The following TTLL7 variants were observed in gnomAD, a reference collection of about 807,000 sequenced individuals.
TTLL7 encodes tubulin tyrosine ligase like 7.
In TTLL7, 53 loss-of-function variants were observed where a neutral mutation model predicts 120.2. That is an observed-to-expected ratio of 0.44 (90% CI 0.35 to 0.55). The LOEUF (loss-of-function observed/expected upper bound fraction) is 0.55, where lower values mean the gene tolerates loss of function less well. TTLL7 is among the 20% of genes least tolerant of loss of function. TTLL7 has a pLI of 0.00. For synonymous variants in TTLL7, 353 were observed against 351.7 expected (o/e 1.00, Z -0.04); for missense variants, 803 against 1,054.7 (o/e 0.76, Z 3.31).
intron 18 of TTLL7, among the ~76,000 whole-genome samples, chr1:83,899,698 A>G (rs572603796): frequency 6.6e-6 from 1 of 152,038 alleles, no homozygotes; most frequent in East Asian, 1.9e-4. Context: ...CACAAAGGAA[A>G]CACAATACTT....
At chr1:83,993,255 A>G (rs1653171408) in intron 1 of TTLL7, among the ~76,000 whole-genome samples, 1 of 152,238 alleles carries the variant, frequency 6.6e-6, no homozygotes, top group Admixed American at 6.5e-5. Flanking sequence ...AACAAATAGC[A>G]TTGAAATGAT....
intron 14 of TTLL7, chr1:83,912,354 G>T (rs1465937296): frequency 1.3e-5 from 2 of 152,050 alleles, no homozygotes; most frequent in African/African-American, 4.8e-5. Flanking sequence ...AAGGGACGTG[G>T]GACAGCTTCA....
Position 83,907,629 on chromosome 1 carries a change from A to T in TTLL7, c.1819T>A (p.Ser607Thr), listed in dbSNP as rs201864596. ...SIRRSVSCPRSISAQSPSSGD... is the reference protein window; with the variant it reads ...SIRRSVSCPRTISAQSPSSGD... ...CTGGAAGGTGATTGAGCAGAGATGGACCGAGGGCAGCTGACTGAACGTCTT... is the reference window on the plus strand; with the variant it reads ...CTGGAAGGTGATTGAGCAGAGATGGTCCGAGGGCAGCTGACTGAACGTCTT... Residue 607 changes from serine (S) to threonine (T), a missense_variant, in exon 16 of 21, where the codon TCC becomes ACC. This residue lies in a region of TTLL7 where 388 missense variants were observed against 450.4 expected (regional missense o/e 0.86). Coordinates refer to ENST00000260505, the MANE Select transcript of TTLL7 (RefSeq NM_024686.6). The T allele has an allele frequency of 4.5e-4, 718 of 1,613,066 alleles. 11 individuals carry two copies. In the South Asian group the frequency reaches 7.2e-3, roughly 16 times the overall value.
At chr1:83,887,154 T>C in intron 19 of TTLL7, 5 of 884,728 alleles carry the variant, frequency 5.7e-6, no homozygotes, top group Non-Finnish European at 7.2e-6. Flanking sequence ...TTTCTGGAGG[T>C]AGACAGGGGA....
chr1:83,883,126 C>T lies in TTLL7; in HGVS notation c.2380G>A (p.Glu794Lys), dbSNP rs536830661. 1.9e-5 allele frequency: 30 copies of T among 1,589,938 alleles called. No homozygotes were observed. Among genetic ancestry groups the T allele is most frequent in the Admixed American group, 9.0e-5 (5 of 55,708 alleles). The change falls in exon 20 of 21, where the codon GAG (glutamate) becomes AAG (lysine). Residue 794 changes from glutamate to lysine, a missense_variant. Physicochemically the swap from Glu to Lys is moderately conservative, Grantham distance 56. Around this residue, in one of 3 missense-constraint regions of TTLL7, gnomAD observed 388 missense variants for 450.4 expected, o/e 0.86. Transcript: ENST00000260505. Reference protein sequence around the residue: ...NCFCDSGSSWESIFNKSPEVV... With the variant: ...NCFCDSGSSWKSIFNKSPEVV... ...TCCGGGCTTTTATTGAATATACTCT[C>T]CCAAGAGGATCTGTTGGCATGGAAA...
At chr1:83,911,446 C>T in intron 14 of TTLL7, 83 bp from the exon 15 acceptor site, 1 of 1,122,142 alleles carries the variant, frequency 8.9e-7, no homozygotes, top group East Asian at 2.5e-5. Flanking sequence ...TTTAATTTCC[C>T]CCTATGCTTG....
At chr1:83,933,189 T>C (rs1263121336) in intron 9 of TTLL7, among the ~76,000 whole-genome samples, 3 of 151,892 alleles carry the variant, frequency 2.0e-5, no homozygotes, top group Non-Finnish European at 2.9e-5. Context: ...AATGAACCAA[T>C]TGGAGCCTCT....
intron 1 of TTLL7, chr1:83,979,052 C>T (rs1012617187): frequency 3.9e-5 from 6 of 152,198 alleles, no homozygotes; most frequent in Non-Finnish European, 8.8e-5. Context: ...CCATGCTTAG[C>T]TTCAGCAGCC....
Position 83,975,466 on chromosome 1 carries a change from TAGAC to T in TTLL7, c.-176-23083_-176-23080del, listed in dbSNP as rs1355888086. Reference sequence around the variant, plus strand: ...GGGGTTTAGGAACTTGTCAAAGACTTAGACAGATCTGTTTGATTCTCAGAACCTT... The same window carrying T: ...GGGGTTTAGGAACTTGTCAAAGACTTAGATCTGTTTGATTCTCAGAACCTT... On this transcript the variant is annotated intron_variant, in intron 1 of 20. Transcript: ENST00000260505. Among the ~76,000 whole-genome samples the T allele has an allele frequency of 3.9e-5, 6 of 152,178 alleles. No homozygotes were observed. The South Asian group carries it at 1.2e-3, about 32-fold the overall frequency.
intron 8 of TTLL7, among the ~76,000 whole-genome samples, chr1:83,936,954 A>G (rs976712469): frequency 1.3e-5 from 2 of 152,030 alleles, no homozygotes; most frequent in African/African-American, 4.8e-5. Flanking sequence ...ACTCCTTCTT[A>G]CTTGTCTGAC....
At chr1:83,892,766 GCGCATATGTGAACATATATATGAA>G (rs1557568669) in intron 18 of TTLL7, among the ~76,000 whole-genome samples, 15 of 29,334 alleles carry the variant, frequency 5.1e-4, no homozygotes, top group African/African-American at 1.2e-3. Flanking sequence ...ATATATATGA[GCGCATATGTGAACATATATATGAA>G]CGCATATGTG....
At chr1:83,888,837 G>A (rs1362530378) in intron 19 of TTLL7, among the ~76,000 whole-genome samples, 1 of 151,778 alleles carries the variant, frequency 6.6e-6, no homozygotes, top group Non-Finnish European at 1.5e-5. Context: ...AATTATAAAG[G>A]AGGAAAATCA....
At chr1:83,957,153 C>T (rs1485013789) in intron 1 of TTLL7, among the ~76,000 whole-genome samples, 4 of 152,024 alleles carry the variant, frequency 2.6e-5, no homozygotes, top group Admixed American at 1.3e-4. Context: ...TTATTCTTTC[C>T]ACCCCTAAAG....
chr1:83,880,146 A>G (rs953006744), intron 20 of TTLL7: 9 of 152,046 alleles, frequency 5.9e-5, no homozygotes, highest in African/African-American at 2.2e-4. Context: ...TTTAAATCAT[A>G]TAAAAGTATT....
At chr1:83,985,332 G>A (rs999138164) in intron 1 of TTLL7, among the ~76,000 whole-genome samples, 1 of 152,170 alleles carries the variant, frequency 6.6e-6, no homozygotes, top group African/African-American at 2.4e-5. Context: ...ATCCAAGGCT[G>A]GAGAAAGAAG....
intron 1 of TTLL7, among the ~76,000 whole-genome samples, chr1:83,960,496 T>G (rs1048035749): frequency 6.6e-6 from 1 of 152,126 alleles, no homozygotes; most frequent in African/African-American, 2.4e-5. Flanking sequence ...ATTTTGCAGA[T>G]TTCTAGCTTA....
chr1:83,887,339 G>A (rs1015359322), intron 19 of TTLL7: 2 of 713,718 alleles, frequency 2.8e-6, no homozygotes, highest in Non-Finnish European at 4.1e-6. Context: ...ACTGAGAAGA[G>A]TAGATTTTCA....
At chr1:83,908,986 A>C (rs1409303324) in intron 15 of TTLL7, among the ~76,000 whole-genome samples, 2 of 151,860 alleles carry the variant, frequency 1.3e-5, no homozygotes, top group Non-Finnish European at 2.9e-5. Context: ...AACTGTCACC[A>C]CTTTTCAAAA....
chr1:83,921,423 T>C, intron 10 of TTLL7, 29 bp from the exon 11 acceptor site: 1 of 1,606,288 alleles, frequency 6.2e-7, no homozygotes, highest in Non-Finnish European at 8.5e-7. Context: ...GACCATATTC[T>C]AGAACTCGAA....
Sources: gnomAD v4.1 joint callset for allele counts (sites outside exome capture counted in the v4.1 genomes callset) on GRCh38, gnomAD v4.1.1 for gene constraint, gnomAD v4.1.1 regional missense constraint, MANE v1.5 for transcripts, NCBI Gene and HGNC (gene_info 2026-07-23, HGNC 2026-07-21) for gene names.